Variants in JAK2 observed in about 807,000 individuals in gnomAD.
JAK2 encodes the protein tyrosine-protein kinase JAK2.
Under a neutral mutation model 139.3 loss-of-function variants are expected in JAK2, and 86 were observed. That is an observed-to-expected ratio of 0.62 (90% CI 0.52 to 0.74). JAK2 has a LOEUF of 0.74. JAK2 is among the 30% of genes least tolerant of loss of function. The pLI, the probability that JAK2 is intolerant of heterozygous loss-of-function variation, is 0.00. For synonymous variants in JAK2, 490 were observed against 437.7 expected, an observed-to-expected ratio of 1.12 and a Z score of -1.49; for missense variants, 1,421 against 1,360.3, an observed-to-expected ratio of 1.04 and a Z score of -0.70.
chr9:5,089,115 A>T (rs1265594641), intron 19 of JAK2, among the ~76,000 whole-genome samples: 2 of 152,242 alleles, frequency 1.3e-5, no homozygotes, highest in Non-Finnish European at 1.5e-5. Flanking sequence ...ATTTATTTAA[A>T]TGCTTTTTTG....
intron 22 of JAK2, among the ~76,000 whole-genome samples, chr9:5,116,575 C>T (rs1009633180): frequency 3.3e-5 from 5 of 152,004 alleles, no homozygotes; most frequent in South Asian, 2.1e-4. Flanking sequence ...AATTAGCTGG[C>T]AATCAAAAAA....
chr9:5,020,275 G>C (rs1235893903), intron 2 of JAK2, among the ~76,000 whole-genome samples: 1 of 152,198 alleles, frequency 6.6e-6, no homozygotes, highest in South Asian at 2.1e-4. Flanking sequence ...CACATCCTCA[G>C]ACCCCCAGGT....
At chr9:5,100,652 A>C (rs1821401518) in intron 22 of JAK2, 1 of 152,238 alleles carries the variant, frequency 6.6e-6, no homozygotes, top group Non-Finnish European at 1.5e-5. Context: ...TATTATTTGC[A>C]TCAGGAGTTT....
rs1820519025 is a variant in JAK2, at chr9:4,995,700, C to T, written c.-26+9678C>T. ...TATTTATTAGCATATGGGAGGCATT[C>T]AAGTACTTGAAAATAAAATGAATAA... On this transcript the variant is annotated intron_variant, in intron 2 of 24. Coordinates refer to ENST00000381652, the MANE Select transcript of JAK2 (RefSeq NM_004972.4). Among the ~76,000 whole-genome samples, 3 of 152,256 alleles carry T rather than the reference C, an allele frequency of 2.0e-5. No homozygotes were observed. The South Asian group carries it at 6.2e-4, about 32-fold the overall frequency.
chr9:5,096,076 A>G (rs1820964176), intron 22 of JAK2, among the ~76,000 whole-genome samples: 1 of 152,208 alleles, frequency 6.6e-6, no homozygotes, highest in South Asian at 2.1e-4. Context: ...TATAGCTATC[A>G]TAACACTACT....
At chr9:5,100,970 A>C (rs1821434070) in intron 22 of JAK2, 1 of 152,316 alleles carries the variant, frequency 6.6e-6, no homozygotes, top group Non-Finnish European at 1.5e-5. Context: ...TGATCGACGC[A>C]GAAGATGGTG....
chr9:5,114,643 C>T lies in JAK2; in HGVS notation c.3060-8361C>T, dbSNP rs563512442. On this transcript the variant is annotated intron_variant, in intron 22 of 24. Coordinates refer to ENST00000381652, the MANE Select transcript of JAK2 (RefSeq NM_004972.4). The stretch of plus-strand genomic sequence containing the variant: ...CTCCCGGACACTTGGCACAGCATGA[C>T]GCAGCCCCGCAAAACCAAGGGCTCT... 2.3e-4 allele frequency: 107 copies of T among 468,660 alleles called. 1 individual carries two copies. The highest frequency in any genetic ancestry group is 1.8e-3 in the East Asian group (32 of 17,456). The allele number at this position is 468,660 out of a possible 1,614,324, so 29.0% of individuals were successfully genotyped here.
chr9:5,030,735 C>T (rs1461071302), intron 4 of JAK2, among the ~76,000 whole-genome samples: 3 of 152,116 alleles, frequency 2.0e-5, no homozygotes, highest in South Asian at 2.1e-4. Context: ...GGTGCTCTCT[C>T]AATAAATTTT....
At chr9:5,110,890 G>C (rs890208393) in intron 22 of JAK2, 1 of 536,408 alleles carries the variant, frequency 1.9e-6, no homozygotes, top group Non-Finnish European at 3.6e-6. Context: ...CCATGTCTGA[G>C]ATGCCCGCTC....
In JAK2 at chr9:5,070,049, ATTTG is replaced by A. The variant is rs774361621; in HGVS notation, c.1640_1641+2del. On this transcript the variant is annotated splice_donor_variant and coding_sequence_variant, in exon 12 of 25. Coordinates refer to ENST00000381652, the MANE Select transcript of JAK2 (RefSeq NM_004972.4). LOFTEE classifies it high-confidence loss of function. ...ACAAAATCAGAAATGAAGATTTGAT[ATTTG>A]TAAGTCATTAGATACTCATTACTGT... 6.3e-7 allele frequency: 1 copy of A among 1,599,064 alleles called. No homozygotes were observed.
intron 22 of JAK2, among the ~76,000 whole-genome samples, chr9:5,102,720 G>T (rs1360620110): frequency 6.6e-6 from 1 of 152,214 alleles, no homozygotes; most frequent in Non-Finnish European, 1.5e-5. Context: ...CAAGCCAGAA[G>T]AGAGTGGAGG....
rs1427234118 is a variant in JAK2, at chr9:5,126,811, G to A, written c.*20G>A. 2 of 1,457,854 alleles carry A rather than the reference G, an allele frequency of 1.4e-6. No homozygotes were observed. Among genetic ancestry groups the A allele is most frequent in the East Asian group, 2.3e-5 (1 of 44,016 alleles). The allele number at this position is 1,457,854 out of a possible 1,614,324, so 90.3% of individuals were successfully genotyped here. A position where few individuals can be genotyped will look rare whatever the true frequency, so the allele number is the denominator to read the frequency against. On this transcript the variant is annotated 3_prime_UTR_variant, in exon 25 of 25. Transcript: ENST00000381652. ...GGATGAAAGAAATGACCTTCATTCT[G>A]AGACCAAAGTAGATTTACAGAACAA... is the stretch of plus-strand genomic sequence containing the variant.
chr9:5,046,852 T>A (rs1370598808), intron 5 of JAK2, among the ~76,000 whole-genome samples: 1 of 152,210 alleles, frequency 6.6e-6, no homozygotes, highest in Non-Finnish European at 1.5e-5. Context: ...TTATTTCACC[T>A]GTGCTGCAGA....
chr9:5,117,296 A>T (rs1564022400), intron 22 of JAK2, among the ~76,000 whole-genome samples: 1 of 152,230 alleles, frequency 6.6e-6, no homozygotes. Context: ...ATGAGTTCAG[A>T]CCTTCTTTAG....
At chr9:5,083,494 T>C (rs1176012315) in intron 19 of JAK2, among the ~76,000 whole-genome samples, 1 of 152,232 alleles carries the variant, frequency 6.6e-6, no homozygotes, top group Non-Finnish European at 1.5e-5. Context: ...TTTTCCTCTT[T>C]TCTGGGAACT....
At chr9:5,050,892 T>C in intron 6 of JAK2, 61 bp downstream of exon 6, 1 of 1,422,640 alleles carries the variant, frequency 7.0e-7, no homozygotes. Flanking sequence ...ATAATTCGTA[T>C]ATATTTTCTG....
intron 4 of JAK2, among the ~76,000 whole-genome samples, chr9:5,043,982 G>C (rs1384699832): frequency 6.6e-6 from 1 of 152,140 alleles, no homozygotes; most frequent in Admixed American, 6.5e-5. Flanking sequence ...GTTACTAAAA[G>C]ACAATATAGA....
chr9:5,094,459 C>G (rs2130705661), intron 22 of JAK2: 1 of 152,244 alleles, frequency 6.6e-6, no homozygotes, highest in South Asian at 2.1e-4. Context: ...AAATTATGTA[C>G]TGATCGGCAC....
intron 22 of JAK2, chr9:5,111,882 C>G (rs1822594219): frequency 2.7e-6 from 1 of 373,310 alleles, no homozygotes; most frequent in African/African-American, 2.2e-5. Context: ...CCACAGCCAG[C>G]AGCTCTGGGG....
Sources: gnomAD v4.1 joint callset for allele counts (sites outside exome capture counted in the v4.1 genomes callset) on GRCh38, gnomAD v4.1.1 for gene constraint, MANE v1.5 for transcripts, NCBI Gene and HGNC (gene_info 2026-07-23, HGNC 2026-07-21) for gene names.